CTNNA2: variants seen among roughly 807,000 people sequenced by gnomAD.
CTNNA2 encodes the protein catenin alpha-2.
Under a neutral mutation model 101.0 loss-of-function variants are expected in CTNNA2, and 42 were observed. The observed-to-expected ratio is 0.42, with a 90% CI of 0.32 to 0.54. The LOEUF is 0.54. Ranked by LOEUF, CTNNA2 falls within the 20% of genes least tolerant of loss-of-function variation. CTNNA2 has a pLI of 0.14. For missense variants in CTNNA2, 871 were observed against 1,223.1 expected (o/e 0.71, Z 4.29); for synonymous variants, 450 against 456.4 (o/e 0.99, Z 0.18).
intron 9 of CTNNA2, among the ~76,000 whole-genome samples, chr2:80,483,660 G>C (rs548859604): frequency 6.6e-6 from 1 of 152,070 alleles, no homozygotes; most frequent in Non-Finnish European, 1.5e-5. Flanking sequence ...ATGAACTAAG[G>C]AGAATGGTGG....
chr2:80,359,682 T>C (rs1427157822), intron 7 of CTNNA2, among the ~76,000 whole-genome samples: 1 of 152,116 alleles, frequency 6.6e-6, no homozygotes, highest in African/African-American at 2.4e-5. Flanking sequence ...CTTCTAGAGT[T>C]TGTGGAACCA....
chr2:80,097,134 G>T (rs550740984), intron 7 of CTNNA2, among the ~76,000 whole-genome samples: 94 of 152,286 alleles, frequency 6.2e-4, no homozygotes, highest in African/African-American at 2.0e-3. Context: ...TGTTTTTGAA[G>T]TGGCTGGTAC....
chr2:79,931,224 T>C (rs1368359066), intron 7 of CTNNA2, among the ~76,000 whole-genome samples: 1 of 152,246 alleles, frequency 6.6e-6, no homozygotes. Context: ...GACTCACCAA[T>C]AAGTTGTAGT....
At chr2:79,411,635 C>T (rs1678412065) in intron 4 of CTNNA2, among the ~76,000 whole-genome samples, 1 of 152,034 alleles carries the variant, frequency 6.6e-6, no homozygotes, top group African/African-American at 2.4e-5. Flanking sequence ...ATTTCACATC[C>T]AGCCAAACTA....
At chr2:79,780,936 A>G (rs1399882910) in intron 3 of CTNNA2, among the ~76,000 whole-genome samples, 1 of 152,224 alleles carries the variant, frequency 6.6e-6, no homozygotes, top group Non-Finnish European at 1.5e-5. Context: ...AAAAGTAATA[A>G]AGATGTCCTA....
chr2:80,253,617 C>A (rs1671927142), intron 7 of CTNNA2, among the ~76,000 whole-genome samples: 1 of 152,158 alleles, frequency 6.6e-6, no homozygotes, highest in Non-Finnish European at 1.5e-5. Flanking sequence ...CCCCAATCTG[C>A]TCTCTTCAAC....
intron 11 of CTNNA2, among the ~76,000 whole-genome samples, chr2:80,547,614 G>C (rs4852580): frequency 0.68 from 102,670 of 150,976 alleles, 35,727 homozygotes; most frequent in African/African-American, 0.83. Flanking sequence ...GATGACTTGT[G>C]AAAGCAACTA....
intron 1 of CTNNA2, among the ~76,000 whole-genome samples, chr2:79,550,044 G>T (rs1204291963): frequency 6.6e-6 from 1 of 152,116 alleles, no homozygotes; most frequent in Non-Finnish European, 1.5e-5. Context: ...TCCATTTATT[G>T]CCTGACTGTC....
intron 2 of CTNNA2, among the ~76,000 whole-genome samples, chr2:79,269,358 AG>A (rs1208675519): frequency 3.9e-5 from 6 of 152,122 alleles, no homozygotes; most frequent in African/African-American, 1.4e-4. Context: ...GAGCCTAACC[AG>A]GCTGAAGGAA....
chr2:79,186,700 G>A (rs936608970), intron 1 of CTNNA2, among the ~76,000 whole-genome samples: 5 of 152,098 alleles, frequency 3.3e-5, no homozygotes, highest in African/African-American at 1.2e-4. Context: ...TTCTTTTTAA[G>A]AGGAAACAGT....
At chr2:79,522,622 T>C (rs568448017) in intron 1 of CTNNA2, among the ~76,000 whole-genome samples, 2 of 152,274 alleles carry the variant, frequency 1.3e-5, no homozygotes, top group African/African-American at 4.8e-5. Context: ...GATTCAGTCC[T>C]GTCTTGGTCT....
chr2:80,574,195 G>T lies in CTNNA2; in HGVS notation c.1774G>T (p.Ala592Ser), dbSNP rs752188965. The T allele has an allele frequency of 6.2e-7, 1 of 1,613,338 alleles. No individual in the cohort carries two copies. The highest frequency in any genetic ancestry group is 1.3e-5 in the African/African-American group (1 of 74,906). ...ACGCTTCGCTGAACAAGTAGAGGTT[G>T]CCATTGAAGCCCTGAGTGCCAACGT... Reference protein sequence around the residue: ...MPRFAEQVEVAIEALSANVPQ... With the variant: ...MPRFAEQVEVSIEALSANVPQ... Residue 592 changes from alanine (A) to serine (S), a missense_variant, in exon 13 of 19, where the codon GCC (alanine) becomes TCC (serine). Ala to Ser is a moderately conservative substitution (Grantham distance 99). Coordinates refer to ENST00000402739, the MANE Select transcript of CTNNA2 (RefSeq NM_001282597.3).
intron 4 of CTNNA2, among the ~76,000 whole-genome samples, chr2:79,422,240 T>C (rs1242471866): frequency 6.6e-6 from 1 of 152,152 alleles, no homozygotes; most frequent in Non-Finnish European, 1.5e-5. Context: ...GAATCTTTTT[T>C]TTTTTCAACT....
intron 4 of CTNNA2, among the ~76,000 whole-genome samples, chr2:79,486,955 A>T (rs1247518828): frequency 6.6e-6 from 1 of 152,242 alleles, no homozygotes; most frequent in Non-Finnish European, 1.5e-5. Context: ...AAATCATGCT[A>T]CATATAGGCA....
intron 13 of CTNNA2, 41 bp from the exon 14 acceptor site, chr2:80,581,665 T>G (rs1369884867): frequency 3.1e-6 from 4 of 1,278,168 alleles, no homozygotes; most frequent in Non-Finnish European, 3.4e-6. Flanking sequence ...GGGTGAAGAT[T>G]ATCAATTTAA....
At chr2:79,609,512 G>T (rs1236835181) in intron 1 of CTNNA2, among the ~76,000 whole-genome samples, 8 of 152,152 alleles carry the variant, frequency 5.3e-5, no homozygotes, top group Admixed American at 3.3e-4. Flanking sequence ...AAAGGTATAA[G>T]TATGTTGGAG....
At chr2:80,338,937 G>A (rs930641162) in intron 7 of CTNNA2, among the ~76,000 whole-genome samples, 2 of 152,172 alleles carry the variant, frequency 1.3e-5, no homozygotes, top group African/African-American at 4.8e-5. Context: ...GAACAGGAAT[G>A]CACATTTTCT....
intron 2 of CTNNA2, among the ~76,000 whole-genome samples, chr2:79,272,749 A>C (rs189891834): frequency 5.9e-5 from 9 of 152,062 alleles, no homozygotes; most frequent in Non-Finnish European, 1.5e-5. Context: ...TGTAATTTTT[A>C]TGTGTTTTCT....
intron 7 of CTNNA2, among the ~76,000 whole-genome samples, chr2:80,238,133 A>C (rs750266907): frequency 2.6e-5 from 4 of 152,130 alleles, no homozygotes; most frequent in African/African-American, 7.2e-5. Flanking sequence ...TCTGGACTGT[A>C]ATAGTGCATT....
Sources: gnomAD v4.1 joint callset for allele counts (sites outside exome capture counted in the v4.1 genomes callset) on GRCh38, gnomAD v4.1.1 for gene constraint, MANE v1.5 for transcripts, NCBI Gene and HGNC (gene_info 2026-07-23, HGNC 2026-07-21) for gene names.